The following SOS1 variants were observed in gnomAD, a reference collection of about 807,000 sequenced individuals.
The protein encoded by SOS1 is son of sevenless homolog 1.
SOS1 carries 25 observed loss-of-function variants against 157.6 expected under a neutral mutation model. That is an observed-to-expected ratio of 0.16 (90% CI 0.12 to 0.22). The LOEUF is 0.22. Among genes scored for constraint, SOS1 ranks in the 10% least tolerant of loss-of-function variants. SOS1 has a pLI of 1.00. For synonymous variants in SOS1, 528 were observed against 534.0 expected, an observed-to-expected ratio of 0.99 and a Z score of 0.16; for missense variants, 1,237 against 1,599.1, an observed-to-expected ratio of 0.77 and a Z score of 3.86.
In SOS1 at chr2:39,042,215, C is replaced by T. The variant is rs554071225; in HGVS notation, c.865-6715G>A. On this transcript the variant is annotated intron_variant, in intron 6 of 22. Transcript: ENST00000402219. ...GAACAAGTCCCCTCAACTTGTTCTTCCTCAAAATTGTTATTTTTGCTCCTC... is the reference window on the plus strand; with the variant it reads ...GAACAAGTCCCCTCAACTTGTTCTTTCTCAAAATTGTTATTTTTGCTCCTC... Among the ~76,000 whole-genome samples, 38 of 152,136 alleles carry T rather than the reference C, an allele frequency of 2.5e-4. No homozygotes were observed. In the South Asian group the frequency reaches 6.9e-3, roughly 27 times the overall value.
At chr2:39,021,525 G>GAAA (rs70954777) in intron 10 of SOS1, among the ~76,000 whole-genome samples, 2 of 104,700 alleles carry the variant, frequency 1.9e-5, no homozygotes, top group Non-Finnish European at 4.0e-5. Flanking sequence ...TGCTCTACAG[G>GAAA]AAAAAAAAAA....
intron 1 of SOS1, among the ~76,000 whole-genome samples, chr2:39,097,069 CTT>C (rs1309162287): frequency 3.9e-5 from 6 of 152,094 alleles, no homozygotes; most frequent in Non-Finnish European, 7.4e-5. Context: ...TATAAAATCT[CTT>C]TAAGCTGTAA....
intron 4 of SOS1, among the ~76,000 whole-genome samples, chr2:39,055,473 G>A (rs576919781): frequency 8.6e-5 from 13 of 152,040 alleles, no homozygotes; most frequent in Non-Finnish European, 1.3e-4. Flanking sequence ...TAAACATGTA[G>A]TAGGTACTCA....
At chr2:39,002,516 T>G (rs188628293) in intron 17 of SOS1, among the ~76,000 whole-genome samples, 2 of 152,230 alleles carry the variant, frequency 1.3e-5, no homozygotes, top group Non-Finnish European at 2.9e-5. Context: ...TGGGATATCA[T>G]GAGTAGCATG....
intron 6 of SOS1, 23 bp downstream of exon 6, chr2:39,051,121 G>C: frequency 3.7e-6 from 6 of 1,610,228 alleles, no homozygotes; most frequent in South Asian, 1.1e-5. Flanking sequence ...CAGACTTTTC[G>C]GGTATATAAT....
chr2:39,024,050 C>T lies in SOS1; in HGVS notation c.1162G>A (p.Glu388Lys). Residue 388 changes from glutamate (E) to lysine (K), a missense_variant, in exon 9 of 23, where the codon GAA becomes AAA. Around this residue, in one of 15 missense-constraint regions of SOS1, gnomAD observed 101 missense variants for 171.5 expected, o/e 0.59. Coordinates refer to ENST00000402219, the MANE Select transcript of SOS1 (RefSeq NM_005633.4). Reference sequence around the variant, plus strand: ...GCAAGACTTTTAGAACATATTTTTTCCATACCACTCTGAACATTAAGCAAA... The same window carrying T: ...GCAAGACTTTTAGAACATATTTTTTTCATACCACTCTGAACATTAAGCAAA... ...TALLNVQSGMEKICSKSLAKR... is the reference protein window; with the variant it reads ...TALLNVQSGMKKICSKSLAKR... 2 of 1,602,040 alleles carry T rather than the reference C, an allele frequency of 1.2e-6. No homozygotes were observed. Among genetic ancestry groups the T allele is most frequent in the Non-Finnish European group, 1.7e-6 (2 of 1,169,260 alleles).
At chr2:39,059,008 C>G (rs1671309908) in intron 2 of SOS1, among the ~76,000 whole-genome samples, 1 of 151,990 alleles carries the variant, frequency 6.6e-6, no homozygotes, top group Non-Finnish European at 1.5e-5. Flanking sequence ...ACTAAACATT[C>G]TTTCTATTAT....
intron 2 of SOS1, among the ~76,000 whole-genome samples, chr2:39,064,898 C>T (rs1671542552): frequency 6.6e-6 from 1 of 151,104 alleles, no homozygotes; most frequent in African/African-American, 2.4e-5. Context: ...CAGGTGCCTG[C>T]CACCATGCCC....
intron 1 of SOS1, among the ~76,000 whole-genome samples, chr2:39,104,174 C>A (rs1673078501): frequency 6.6e-6 from 1 of 152,100 alleles, no homozygotes. Flanking sequence ...CCCAGCTACT[C>A]ATGGGGCCGA....
chr2:39,020,294 AAAGT>A (rs984635365), intron 10 of SOS1, among the ~76,000 whole-genome samples: 1 of 151,732 alleles, frequency 6.6e-6, no homozygotes, highest in Admixed American at 6.6e-5. Context: ...AAGTCTGAAT[AAAGT>A]AAGGTTAAAC....
intron 12 of SOS1, 93 bp downstream of exon 12, chr2:39,013,774 C>T (rs1457908235): frequency 1.8e-6 from 2 of 1,082,472 alleles, no homozygotes; most frequent in South Asian, 1.3e-5. Flanking sequence ...TTTATTGTCA[C>T]CCCTCTCCTT....
chr2:39,030,884 C>A (rs1042958650), intron 8 of SOS1, among the ~76,000 whole-genome samples: 13 of 152,050 alleles, frequency 8.5e-5, no homozygotes, highest in Non-Finnish European at 1.9e-4. Context: ...GATTTGGATG[C>A]AGACACATAG....
At chr2:39,048,872 A>G (rs1670893465) in intron 6 of SOS1, among the ~76,000 whole-genome samples, 1 of 152,056 alleles carries the variant, frequency 6.6e-6, no homozygotes. Context: ...TTGTTTCTCC[A>G]TCACTCTTTG....
At chr2:39,022,521 C>G (rs144947186) in intron 10 of SOS1, 49 bp downstream of exon 10, 3 of 1,436,870 alleles carry the variant, frequency 2.1e-6, no homozygotes, top group African/African-American at 1.4e-5. Flanking sequence ...GAAAGAAAAT[C>G]AGTTTGAAGC....
rs748346906 is a variant in SOS1 at position 39,006,476 on chromosome 2, T to C, written c.2727A>G (p.Glu909=). The C allele has an allele frequency of 6.2e-7, 1 of 1,610,298 alleles. No individual in the cohort carries two copies. The highest frequency in any genetic ancestry group is 8.5e-7 in the Non-Finnish European group (1 of 1,176,854). The change falls in exon 17 of 23, where the codon GAA becomes GAG. Residue 909 remains glutamate, a synonymous_variant. Transcript: ENST00000402219. ...KILEEAHELS[E]DHYKKYLAKL... The stretch of plus-strand genomic sequence containing the variant: ...TTGCCAAATATTTCTTATAGTGATC[T>C]TCACTCAATTCATGAGCTTCTTCTA...
intron 17 of SOS1, among the ~76,000 whole-genome samples, chr2:39,004,406 C>CAAAAAA (rs60882005): frequency 6.0e-5 from 4 of 66,530 alleles, no homozygotes; most frequent in East Asian, 4.5e-4. Context: ...GACTCTGTGT[C>CAAAAAA]AAAAAAAAAA....
rs1225360145 is a variant in SOS1 at position 39,022,557 on chromosome 2, G to A, written c.1858+13C>T. On this transcript the variant is annotated intron_variant, in intron 10 of 22. Transcript: ENST00000402219. ...AGGAAAACAAAAGTGACAGGCAACT[G>A]CATAATTCTTACCTGCGTACATATG... 2.5e-6 allele frequency: 4 copies of A among 1,602,940 alleles called. No individual in the cohort carries two copies. The highest frequency in any genetic ancestry group is 3.4e-6 in the Non-Finnish European group (4 of 1,170,242).
chr2:39,026,347 T>G (rs1669960768), intron 8 of SOS1, among the ~76,000 whole-genome samples: 1 of 97,102 alleles, frequency 1.0e-5, no homozygotes, highest in Admixed American at 1.2e-4. Context: ...AGAGTGAGAC[T>G]CCGTCTCAAA....
intron 6 of SOS1, among the ~76,000 whole-genome samples, chr2:39,041,696 C>A (rs1199924846): frequency 6.6e-6 from 1 of 152,176 alleles, no homozygotes; most frequent in African/African-American, 2.4e-5. Context: ...GGATATGGTA[C>A]ATGGTTCCAA....
Sources: allele counts gnomAD v4.1 joint callset (sites outside exome capture counted in the v4.1 genomes callset), GRCh38; gene constraint gnomAD v4.1.1; regional missense constraint gnomAD v4.1.1; transcripts MANE v1.5; gene names NCBI Gene and HGNC (gene_info 2026-07-23, HGNC 2026-07-21).